The following PRKCG variants were observed in gnomAD, a reference collection of about 807,000 sequenced individuals.
PRKCG encodes the protein protein kinase C gamma.
Under a neutral mutation model 82.0 loss-of-function variants are expected in PRKCG, and 28 were observed. The observed-to-expected ratio is 0.34, with a 90% CI of 0.25 to 0.47. PRKCG has a LOEUF of 0.47. PRKCG is among the 20% of genes least tolerant of loss of function. The probability of loss-of-function intolerance (pLI) is 1.00; values close to 1 mark genes in which losing one functional copy is unlikely to be tolerated. For missense variants in PRKCG, 640 were observed against 952.7 expected (o/e 0.67, Z 4.32); for synonymous variants, 383 against 376.6 (o/e 1.02, Z -0.20).
Position 53,903,129 on chromosome 19 carries a change from G to A in PRKCG, c.1632G>A (p.Leu544=). The change falls in exon 15 of 18, where the codon CTG becomes CTA. Residue 544 remains leucine, a synonymous_variant. Transcript: ENST00000263431. The part of the protein sequence containing the change: ...KSVDWWSFGV[L]LYEMLAGQPP... ...TCGATTGGTGGTCCTTTGGAGTTCT[G>A]CTGTATGAGATGTTGGCAGGACAGG... 6.2e-7 allele frequency: 1 copy of A among 1,613,892 alleles called. No individual in the cohort carries two copies. The highest frequency in any genetic ancestry group is 1.1e-5 in the South Asian group (1 of 91,074).
intron 9 of PRKCG, among the ~76,000 whole-genome samples, chr19:53,897,422 A>G (rs914192055): frequency 6.6e-6 from 1 of 152,148 alleles, no homozygotes; most frequent in Non-Finnish European, 1.5e-5. Flanking sequence ...GACTGGCAGC[A>G]CCCATGTCAC....
chr19:53,902,902 A>C (rs2068774735), intron 14 of PRKCG, among the ~76,000 whole-genome samples, 171 bp from the exon 15 acceptor site: 3 of 151,098 alleles, frequency 2.0e-5, no homozygotes, highest in South Asian at 2.1e-4. Flanking sequence ...AAAAAAAAAA[A>C]AAAAAAAAAA....
chr19:53,907,564 C>T lies in PRKCG; in HGVS notation c.*669C>T, dbSNP rs1454628195. 3.9e-5 allele frequency: 6 copies of T among 154,544 alleles called. No individual in the cohort carries two copies. The highest frequency in any genetic ancestry group is 1.4e-4 in the African/African-American group (6 of 41,438). 9.6% of individuals were successfully genotyped at this position (154,544 alleles called of 1,614,324 possible). A position where few individuals can be genotyped will look rare whatever the true frequency, so the allele number is the denominator to read the frequency against. ...AACTCTCCCCAGTGCCTGCCACTCTCTGGGACTCTCCTCCTCCCCTCCTCT... is the reference window on the plus strand; with the variant it reads ...AACTCTCCCCAGTGCCTGCCACTCTTTGGGACTCTCCTCCTCCCCTCCTCT... On this transcript the variant is annotated 3_prime_UTR_variant, in exon 18 of 18. Coordinates refer to ENST00000263431, the MANE Select transcript of PRKCG (RefSeq NM_002739.5).
chr19:53,903,057 C>G lies in PRKCG; in HGVS notation c.1576-16C>G. On this transcript the variant is annotated splice_polypyrimidine_tract_variant and intron_variant, in intron 14 of 17. Coordinates refer to ENST00000263431, the MANE Select transcript of PRKCG (RefSeq NM_002739.5). ...TAAAGAACGCATCATGATTCCCTGC[C>G]TTCCACCTCCCCTAGATCATTGCCT... 1 of 1,607,698 alleles carries G rather than the reference C, an allele frequency of 6.2e-7. No individual in the cohort carries two copies. Among genetic ancestry groups the G allele is most frequent in the Non-Finnish European group, 8.5e-7 (1 of 1,174,208 alleles).
At position 53,889,943 on chromosome 19, in the gene PRKCG, TGGACCACACCGAGCGCCGC is replaced by T; in HGVS notation, c.458_476del (p.Asp153GlyfsTer17). 6.3e-7 allele frequency: 1 copy of T among 1,580,952 alleles called. No individual in the cohort carries two copies. Among genetic ancestry groups the T allele is most frequent in the Non-Finnish European group, 8.6e-7 (1 of 1,164,588 alleles). On this transcript the variant is annotated frameshift_variant, in exon 5 of 18. Transcript: ENST00000263431. LOFTEE classifies it high-confidence loss of function. This position sits in a 1 kb window ranked among gnomAD's most constrained non-coding sequence, Gnocchi z 4.4. ...CGTAGCGTGCCCTCCCTGTGCGGTG[TGGACCACACCGAGCGCCGC>T]GGGCGCCTGCAGCTGGAGATCCGGG...
chr19:53,906,753 C>T lies in PRKCG; in HGVS notation c.1952C>T (p.Ala651Val), dbSNP rs200755592. 2.4e-5 allele frequency: 39 copies of T among 1,613,318 alleles called. 1 individual carries two copies. The East Asian group carries it at 8.0e-4, about 33-fold the overall frequency. Residue 651 changes from alanine to valine, a missense_variant, in exon 18 of 18, where the codon GCG becomes GTG. Transcript: ENST00000263431. Reference sequence around the variant, plus strand: ...TTTGACAAGTTCTTCACGCGGGCGGCGCCAGCGCTGACCCCTCCAGACCGC... The same window carrying T: ...TTTGACAAGTTCTTCACGCGGGCGGTGCCAGCGCTGACCCCTCCAGACCGC... ...ENFDKFFTRA[A>V]PALTPPDRLV...
chr19:53,904,603 T>A, intron 15 of PRKCG, 32 bp from the exon 16 acceptor site: 1 of 1,591,034 alleles, frequency 6.3e-7, no homozygotes, highest in Non-Finnish European at 8.6e-7. Flanking sequence ...GTTGGGCATG[T>A]CCCTGACTCT....
In PRKCG at chr19:53,885,787, A is replaced by C. The variant is rs151204709; in HGVS notation, c.285+1544A>C. ...AAGTCTACATAGAAGATGTGACTTC[A>C]TAGAACATATATTGAGCACCACTGT... On this transcript the variant is annotated intron_variant, in intron 3 of 17. Transcript: ENST00000263431. 3.1e-3 allele frequency among the ~76,000 whole-genome samples: 471 copies of C among 152,266 alleles called. 5 individuals carry two copies. Among genetic ancestry groups the C allele is most frequent in the African/African-American group, 0.011 (445 of 41,550 alleles).
At chr19:53,901,573 C>T (rs2068763870) in intron 14 of PRKCG, among the ~76,000 whole-genome samples, 2 of 127,752 alleles carry the variant, frequency 1.6e-5, no homozygotes, top group South Asian at 2.4e-4. Flanking sequence ...AAAAAAAAAG[C>T]CGGGTGCAGT....
At position 53,882,368 on chromosome 19, in the gene PRKCG, C is replaced by A; in HGVS notation, c.-127C>A. On this transcript the variant is annotated 5_prime_UTR_variant, in exon 1 of 18. Coordinates refer to ENST00000263431, the MANE Select transcript of PRKCG (RefSeq NM_002739.5). This position sits in a 1 kb window ranked among gnomAD's most constrained non-coding sequence, Gnocchi z 6.1. ...GCGCTCCGCACCTGGAGGTGCCTTG[C>A]CCCTCTCCTGCCCACCTCGGAATTT... is the stretch of plus-strand genomic sequence containing the variant. 1 of 1,402,696 alleles carries A rather than the reference C, an allele frequency of 7.1e-7. No homozygotes were observed. Among genetic ancestry groups the A allele is most frequent in the Non-Finnish European group, 9.8e-7 (1 of 1,023,812 alleles). 86.9% of individuals were successfully genotyped at this position (1,402,696 alleles called of 1,614,324 possible). A position where few individuals can be genotyped will look rare whatever the true frequency, so the allele number is the denominator to read the frequency against.
At position 53,882,296 on chromosome 19, in the gene PRKCG, T is replaced by C; in HGVS notation, c.-199T>C. On this transcript the variant is annotated 5_prime_UTR_variant, in exon 1 of 18. Transcript: ENST00000263431. The surrounding 1 kb of genome is among the most constrained non-coding windows in gnomAD (Gnocchi z 6.1). ...TGGCTCTTCCTCCCCACTCGCCCGC[T>C]CCCCCTGGCGGAGCCGGCGCGCCCG... The C allele has an allele frequency of 5.5e-6, 4 of 724,640 alleles. No individual in the cohort carries two copies. The highest frequency in any genetic ancestry group is 6.8e-6 in the Non-Finnish European group (3 of 443,912). The allele number at this position is 724,640 out of a possible 1,614,324, so 44.9% of individuals were successfully genotyped here.
chr19:53,905,205 C>A (rs2068792724), intron 16 of PRKCG, among the ~76,000 whole-genome samples: 1 of 152,172 alleles, frequency 6.6e-6, no homozygotes, highest in African/African-American at 2.4e-5. Context: ...GCTCTCTCTG[C>A]ATCTCCCTGA....
intron 16 of PRKCG, among the ~76,000 whole-genome samples, chr19:53,905,324 T>TG (rs2123026824): frequency 6.6e-6 from 1 of 152,104 alleles, no homozygotes; most frequent in African/African-American, 2.4e-5. Context: ...TCTACACTTT[T>TG]GGGCCTTTGT....
chr19:53,889,938 C>T lies in PRKCG; in HGVS notation c.450C>T (p.Cys150=), dbSNP rs1385053433. The T allele has an allele frequency of 1.9e-6, 3 of 1,581,114 alleles. No homozygotes were observed. Among genetic ancestry groups the T allele is most frequent in the Admixed American group, 3.6e-5 (2 of 55,364 alleles). ...RRCVRSVPSL[C]GVDHTERRGR... The stretch of plus-strand genomic sequence containing the variant: ...GTGTGCGTAGCGTGCCCTCCCTGTG[C>T]GGTGTGGACCACACCGAGCGCCGCG... The change falls in exon 5 of 18, where the codon TGC becomes TGT. Residue 150 remains cysteine (C), a synonymous_variant. Coordinates refer to ENST00000263431, the MANE Select transcript of PRKCG (RefSeq NM_002739.5). The surrounding 1 kb of genome is among the most constrained non-coding windows in gnomAD (Gnocchi z 4.4).
Position 53,884,365 on chromosome 19 carries a change from G to C in PRKCG, c.285+122G>C. 1.0e-6 allele frequency: 1 copy of C among 972,624 alleles called. No homozygotes were observed. 60.2% of individuals were successfully genotyped at this position (972,624 alleles called of 1,614,324 possible). On this transcript the variant is annotated intron_variant, in intron 3 of 17. Transcript: ENST00000263431. This position sits in a 1 kb window ranked among gnomAD's most constrained non-coding sequence, Gnocchi z 4.6. The stretch of plus-strand genomic sequence containing the variant: ...GGAGGGGAGGGGGGCTGGAGAGATA[G>C]GGGGAGCTATCTGGCCCAGATTCCT...
At position 53,892,963 on chromosome 19, in the gene PRKCG, C is replaced by T. The variant is rs374998222; in HGVS notation, c.822-25C>T. ...ATGGGTGCCCCATCCCCGCTGCCCG[C>T]CTCTGGTCTCCGTCTGTATGTCAGG... On this transcript the variant is annotated intron_variant, in intron 7 of 17. Transcript: ENST00000263431. This position sits in a 1 kb window ranked among gnomAD's most constrained non-coding sequence, Gnocchi z 5.9. 3 of 1,609,924 alleles carry T rather than the reference C, an allele frequency of 1.9e-6. No homozygotes were observed. Among genetic ancestry groups the T allele is most frequent in the Non-Finnish European group, 2.6e-6 (3 of 1,176,448 alleles).
rs549502773 is a variant in PRKCG at position 53,892,225 on chromosome 19, G to T, written c.687-284G>T. 4.6e-5 allele frequency among the ~76,000 whole-genome samples: 7 copies of T among 152,122 alleles called. No individual in the cohort carries two copies. In the South Asian group the frequency reaches 1.2e-3, roughly 27 times the overall value. On this transcript the variant is annotated intron_variant, in intron 6 of 17. Transcript: ENST00000263431. The surrounding 1 kb of genome is among the most constrained non-coding windows in gnomAD (Gnocchi z 5.9). ...GATAGAGACCCAGAGAGGAGAGAAG[G>T]GTACAGAGACTCAGAGAGAGAGATC...
intron 9 of PRKCG, among the ~76,000 whole-genome samples, chr19:53,896,376 G>GATTATTATTATTATT (rs113382850): frequency 7.0e-6 from 1 of 141,956 alleles, no homozygotes; most frequent in Non-Finnish European, 1.5e-5. Context: ...AAACAGCCCT[G>GATTATTATTATTATT]ATTATTATTA....
chr19:53,893,475 T>G, intron 9 of PRKCG, 84 bp downstream of exon 9: 1 of 1,397,440 alleles, frequency 7.2e-7, no homozygotes, highest in Non-Finnish European at 1.0e-6. Context: ...CTGTCTTCAA[T>G]TCCCCACACA....
Sources: allele counts gnomAD v4.1 joint callset (sites outside exome capture counted in the v4.1 genomes callset), GRCh38; gene constraint gnomAD v4.1.1; non-coding constraint Gnocchi (gnomAD v3.1); transcripts MANE v1.5; gene names NCBI Gene and HGNC (gene_info 2026-07-23, HGNC 2026-07-21).